Variants in CIP2A observed in about 807,000 individuals in gnomAD.
The protein encoded by CIP2A is cellular inhibitor of PP2A.
A neutral mutation model predicts 110.9 loss-of-function variants in CIP2A; 103 were observed. The ratio of observed to expected loss-of-function variants is 0.93; its 90% CI spans 0.79 to 1.09. The LOEUF is 1.09. CIP2A is among the 50% of genes least tolerant of loss of function. The probability of loss-of-function intolerance (pLI) is 0.00; values close to 1 mark genes in which losing one functional copy is unlikely to be tolerated. For missense variants in CIP2A, 1,088 were observed against 1,038.4 expected (o/e 1.05, Z -0.66); for synonymous variants, 381 against 361.6 (o/e 1.05, Z -0.61).
At chr3:108,573,271 G>A (rs1938457935) in intron 8 of CIP2A, among the ~76,000 whole-genome samples, 1 of 151,442 alleles carries the variant, frequency 6.6e-6, no homozygotes, top group South Asian at 2.1e-4. Context: ...ATCCTTGTCA[G>A]GTTTTGCTAT....
rs1559694344 is a variant in CIP2A, at chr3:108,566,555, ATTG to A, written c.1354_1356del (p.Gln452del). On this transcript the variant is annotated inframe_deletion, in exon 11 of 21. Transcript: ENST00000295746. ...CCCAGGTCAATCTTGCCATATGTAA[ATTG>A]TTGTTCTATAAGAGTGGTACACTTG... 6.2e-7 allele frequency: 1 copy of A among 1,608,198 alleles called. No individual in the cohort carries two copies. The highest frequency in any genetic ancestry group is 8.5e-7 in the Non-Finnish European group (1 of 1,176,970).
chr3:108,578,144 T>C (rs1576315874), intron 7 of CIP2A, among the ~76,000 whole-genome samples: 1 of 152,286 alleles, frequency 6.6e-6, no homozygotes, highest in South Asian at 2.1e-4. Flanking sequence ...AAATAGATAA[T>C]AGAACTGAGA....
At chr3:108,568,094 A>G in intron 10 of CIP2A, 61 bp downstream of exon 10, 1 of 1,275,532 alleles carries the variant, frequency 7.8e-7, no homozygotes, top group Non-Finnish European at 1.1e-6. Flanking sequence ...AGTGAATGCA[A>G]TACTAGAAAA....
At chr3:108,566,715 C>A in intron 10 of CIP2A, 77 bp from the exon 11 acceptor site, 1 of 850,944 alleles carries the variant, frequency 1.2e-6, no homozygotes. Context: ...TGATTTCATA[C>A]AAATTATATC....
intron 1 of CIP2A, 62 bp downstream of exon 1, chr3:108,589,209 GCCT>G: frequency 1.6e-6 from 2 of 1,220,390 alleles, no homozygotes; most frequent in Non-Finnish European, 2.4e-6. Context: ...CCACTCCTCG[GCCT>G]CACTGTGAAA....
At chr3:108,554,815 T>C (rs1937730225) in intron 17 of CIP2A, among the ~76,000 whole-genome samples, 1 of 152,206 alleles carries the variant, frequency 6.6e-6, no homozygotes, top group Non-Finnish European at 1.5e-5. Flanking sequence ...GGTTCTACAT[T>C]TGTCTCTTTA....
chr3:108,557,554 C>T (rs979963743), intron 16 of CIP2A, 140 bp from the exon 17 acceptor site: 7 of 522,532 alleles, frequency 1.3e-5, no homozygotes, highest in African/African-American at 7.6e-5. Flanking sequence ...GTCACATATA[C>T]TTAGGACTTT....
intron 8 of CIP2A, 55 bp downstream of exon 8, chr3:108,576,216 T>C: frequency 8.9e-7 from 1 of 1,129,432 alleles, no homozygotes; most frequent in Non-Finnish European, 1.3e-6. Flanking sequence ...TTTTTAAAAG[T>C]TTCGGCATTT....
At chr3:108,569,146 A>C (rs1185629130) in intron 9 of CIP2A, among the ~76,000 whole-genome samples, 1 of 135,490 alleles carries the variant, frequency 7.4e-6, no homozygotes, top group African/African-American at 2.8e-5. Context: ...TAATATCTTT[A>C]CTTATTACAC....
At chr3:108,587,085 A>G (rs1939067344) in intron 1 of CIP2A, among the ~76,000 whole-genome samples, 3 of 152,198 alleles carry the variant, frequency 2.0e-5, no homozygotes, top group Admixed American at 2.0e-4. Context: ...ACATATTGCT[A>G]GTGGGAAGAT....
At chr3:108,583,867 T>C (rs1938964263) in intron 2 of CIP2A, among the ~76,000 whole-genome samples, 1 of 152,210 alleles carries the variant, frequency 6.6e-6, no homozygotes. Flanking sequence ...AAATATCATA[T>C]GTACCCCATA....
intron 19 of CIP2A, among the ~76,000 whole-genome samples, chr3:108,552,792 A>ATC (rs777335724): frequency 1.1e-4 from 16 of 152,168 alleles, no homozygotes; most frequent in Non-Finnish European, 1.9e-4. Flanking sequence ...GAAAAGGGCA[A>ATC]TCCATAATCC....
chr3:108,557,032 C>T (rs7623619), intron 17 of CIP2A, among the ~76,000 whole-genome samples, 186 bp downstream of exon 17: 2,017 of 152,194 alleles, frequency 0.013, 44 homozygotes, highest in African/African-American at 0.046. Flanking sequence ...TTGTTTCCAA[C>T]ATTGATACTG....
At position 108,557,425 on chromosome 3, in the gene CIP2A, A is replaced by G. The variant is rs756779206; in HGVS notation, c.2014-11T>C. The stretch of plus-strand genomic sequence containing the variant: ...AGCAAGTGTCCGTGCCTCAAAAAAA[A>G]AAAGAAGATAGACTTTACCACTATC... On this transcript the variant is annotated splice_polypyrimidine_tract_variant and intron_variant, in intron 16 of 20. Transcript: ENST00000295746. The G allele has an allele frequency of 6.4e-7, 1 of 1,567,490 alleles. No homozygotes were observed. Among genetic ancestry groups the G allele is most frequent in the Non-Finnish European group, 8.7e-7 (1 of 1,155,680 alleles).
chr3:108,582,230 T>A, intron 3 of CIP2A, 28 bp from the exon 4 acceptor site: 1 of 953,556 alleles, frequency 1.0e-6, no homozygotes, highest in Non-Finnish European at 1.6e-6. Flanking sequence ...GTTATAAATA[T>A]AAAGATATAA....
chr3:108,556,930 AACAG>A (rs139177683), intron 17 of CIP2A, among the ~76,000 whole-genome samples: 5,508 of 152,214 alleles, frequency 0.036, 326 homozygotes, highest in African/African-American at 0.12. Context: ...CAGTGATCAA[AACAG>A]ACAAACTTGT....
chr3:108,589,012 C>A (rs1181646406), intron 1 of CIP2A, among the ~76,000 whole-genome samples: 2 of 152,136 alleles, frequency 1.3e-5, no homozygotes, highest in Non-Finnish European at 2.9e-5. Context: ...GAGCTTTTTC[C>A]GTTACCTACT....
intron 13 of CIP2A, among the ~76,000 whole-genome samples, chr3:108,562,553 C>A (rs1471883143): frequency 6.6e-6 from 1 of 152,034 alleles, no homozygotes; most frequent in African/African-American, 2.4e-5. Context: ...GTTCAGAGAG[C>A]CCTGAAATCT....
intron 10 of CIP2A, among the ~76,000 whole-genome samples, chr3:108,566,939 AG>A (rs1003344874): frequency 6.6e-6 from 1 of 151,844 alleles, no homozygotes; most frequent in Non-Finnish European, 1.5e-5. Flanking sequence ...TTATTGAATA[AG>A]GGTAAGTTGT....
Sources: allele counts gnomAD v4.1 joint callset (sites outside exome capture counted in the v4.1 genomes callset), GRCh38; gene constraint gnomAD v4.1.1; transcripts MANE v1.5; gene names NCBI Gene and HGNC (gene_info 2026-07-23, HGNC 2026-07-21).